PTPRQ: variants seen among roughly 807,000 people sequenced by gnomAD.
PTPRQ encodes the protein phosphatidylinositol phosphatase PTPRQ.
A neutral mutation model predicts 246.0 loss-of-function variants in PTPRQ; 199 were observed. The observed-to-expected ratio is 0.81, with a 90% CI of 0.72 to 0.91. The LOEUF (loss-of-function observed/expected upper bound fraction) is 0.91. PTPRQ is among the 40% of genes least tolerant of loss of function. The pLI, the probability that PTPRQ is intolerant of heterozygous loss-of-function variation, is 0.00. For synonymous variants in PTPRQ, 869 were observed against 853.2 expected (o/e 1.02, Z -0.32); for missense variants, 2,624 against 2,528.4 (o/e 1.04, Z -0.81).
intron 33 of PTPRQ, among the ~76,000 whole-genome samples, chr12:80,623,468 G>A (rs1899074156): frequency 6.6e-6 from 1 of 152,110 alleles, no homozygotes; most frequent in African/African-American, 2.4e-5. Context: ...TGTATCAAGT[G>A]TTTCTTCATT....
intron 25 of PTPRQ, among the ~76,000 whole-genome samples, chr12:80,567,141 A>G (rs1897002518): frequency 6.6e-6 from 1 of 152,226 alleles, no homozygotes; most frequent in African/African-American, 2.4e-5. Context: ...TACTTGGGCT[A>G]ATCATTGCTA....
At chr12:80,577,136 A>C (rs1592676591) in intron 25 of PTPRQ, among the ~76,000 whole-genome samples, 1 of 152,256 alleles carries the variant, frequency 6.6e-6, no homozygotes, top group East Asian at 1.9e-4. Flanking sequence ...AAACTAATGA[A>C]TTTATAAATC....
At chr12:80,538,090 C>T (rs35836356) in intron 19 of PTPRQ, among the ~76,000 whole-genome samples, 13 of 151,816 alleles carry the variant, frequency 8.6e-5, no homozygotes, top group Non-Finnish European at 1.8e-4. Flanking sequence ...GCCTGGGCAA[C>T]AGAGTGAGAC....
Position 80,449,938 on chromosome 12 carries a change from T to C in PTPRQ, c.390+4221T>C, listed in dbSNP as rs189366868. Reference sequence around the variant, plus strand: ...AAAGTCATTGGTAGCTTGATGGGGATGGCATAGAATCTATAAATTACCTTG... The same window carrying C: ...AAAGTCATTGGTAGCTTGATGGGGACGGCATAGAATCTATAAATTACCTTG... On this transcript the variant is annotated intron_variant, in intron 3 of 44. Coordinates refer to ENST00000644991, the MANE Select transcript of PTPRQ (RefSeq NM_001145026.2). Among the ~76,000 whole-genome samples, 312 of 152,300 alleles carry C rather than the reference T, an allele frequency of 2.0e-3. 1 individual carries two copies. The highest frequency in any genetic ancestry group is 7.0e-3 in the African/African-American group (292 of 41,550).
chr12:80,634,982 C>T lies in PTPRQ; in HGVS notation c.5824C>T (p.Pro1942Ser), dbSNP rs1195502008. The change falls in exon 35 of 45, where the codon CCT becomes TCT. Residue 1942 changes from proline to serine, a missense_variant. Transcript: ENST00000644991. ...QKQKEGGTYS[P>S]QDAEIIDTKL... ...GCAGAAAGAAGGTGGCACATACTCT[C>T]CTCAGGATGCAGAAATTATTGACAC... The T allele has an allele frequency of 6.4e-7, 1 of 1,551,288 alleles. No homozygotes were observed. Among genetic ancestry groups the T allele is most frequent in the Non-Finnish European group, 8.7e-7 (1 of 1,146,758 alleles).
rs1216268008 is a variant in PTPRQ, at chr12:80,496,421, T to G, written c.2162T>G (p.Leu721Ter). Residue 721 changes from leucine (L) to a stop codon, truncating the protein, a stop_gained, in exon 14 of 45, where the codon TTA (leucine) becomes TGA (stop). Transcript: ENST00000644991. LOFTEE classifies it high-confidence loss of function. The part of the protein sequence containing the change: ...MKNTSTTDII[L>*]RNLRPHTLYN... ...AACACATCAACAACAGACATAATAT[T>G]AAGGAACTTAAGACCTCACACCCTC... is the stretch of plus-strand genomic sequence containing the variant. 6.4e-7 allele frequency: 1 copy of G among 1,550,810 alleles called. No homozygotes were observed. The highest frequency in any genetic ancestry group is 2.0e-5 in the Admixed American group (1 of 50,952).
At chr12:80,585,812 C>T (rs1328770360) in intron 25 of PTPRQ, among the ~76,000 whole-genome samples, 1 of 150,722 alleles carries the variant, frequency 6.6e-6, no homozygotes, top group African/African-American at 2.4e-5. Flanking sequence ...ATACATGTGC[C>T]ATGCTGGTGC....
intron 17 of PTPRQ, among the ~76,000 whole-genome samples, chr12:80,515,596 TA>T (rs1895269168): frequency 6.6e-6 from 1 of 151,836 alleles, no homozygotes; most frequent in Non-Finnish European, 1.5e-5. Flanking sequence ...AATTTATTTT[TA>T]TTTCTTTTTA....
intron 17 of PTPRQ, among the ~76,000 whole-genome samples, chr12:80,533,179 AT>A (rs1163278899): frequency 1.4e-4 from 21 of 152,120 alleles, no homozygotes; most frequent in African/African-American, 4.8e-4. Flanking sequence ...AATAATGCAC[AT>A]TTTTCAGCAT....
chr12:80,609,035 G>A (rs900081975), intron 27 of PTPRQ, among the ~76,000 whole-genome samples: 2 of 150,300 alleles, frequency 1.3e-5, no homozygotes, highest in African/African-American at 2.4e-5. Flanking sequence ...TTCCATTTTC[G>A]AGAAGTGGGG....
At chr12:80,620,055 C>A in intron 31 of PTPRQ, 99 bp from the exon 32 acceptor site, 1 of 1,376,396 alleles carries the variant, frequency 7.3e-7, no homozygotes, top group South Asian at 1.6e-5. Context: ...GATGTTGCAT[C>A]GAGAGTCCCC....
intron 26 of PTPRQ, among the ~76,000 whole-genome samples, chr12:80,602,403 T>G (rs1936842593): frequency 1.3e-5 from 2 of 151,814 alleles, no homozygotes; most frequent in Non-Finnish European, 2.9e-5. Flanking sequence ...TGTTTTGTGT[T>G]GCTATAAGAA....
Position 80,652,819 on chromosome 12 carries a change from C to T in PTPRQ, c.6100C>T (p.Pro2034Ser), listed in dbSNP as rs543567656. 9.3e-6 allele frequency: 14 copies of T among 1,505,204 alleles called. No homozygotes were observed. The East Asian group carries it at 3.4e-4, about 36-fold the overall frequency. The allele number at this position is 1,505,204 out of a possible 1,614,324, so 93.2% of individuals were successfully genotyped here. The change falls in exon 38 of 45, where the codon CCA (proline) becomes TCA (serine). Residue 2034 changes from proline (P) to serine (S), a missense_variant. By Grantham distance (74) the Pro-to-Ser change is moderately conservative (BLOSUM62 -1). Coordinates refer to ENST00000644991, the MANE Select transcript of PTPRQ (RefSeq NM_001145026.2). ...TTGGAATAGAGCAAAAAACCGCTTCCCAAACATAAAACCATGTATGTGCAT... is the reference window on the plus strand; with the variant it reads ...TTGGAATAGAGCAAAAAACCGCTTCTCAAACATAAAACCATGTATGTGCAT... ...LPWNRAKNRF[P>S]NIKPYNNNRV...
intron 26 of PTPRQ, among the ~76,000 whole-genome samples, chr12:80,602,115 T>A (rs966014743): frequency 3.3e-5 from 5 of 151,764 alleles, no homozygotes; most frequent in African/African-American, 1.2e-4. Flanking sequence ...AATGTTCAGA[T>A]TATTGTACAG....
At chr12:80,575,149 A>G (rs1897249251) in intron 25 of PTPRQ, among the ~76,000 whole-genome samples, 1 of 152,220 alleles carries the variant, frequency 6.6e-6, no homozygotes, top group Non-Finnish European at 1.5e-5. Flanking sequence ...GCTCCTTTCA[A>G]GGTTTTTATT....
At chr12:80,655,796 GA>G (rs1900413523) in intron 38 of PTPRQ, among the ~76,000 whole-genome samples, 2 of 152,200 alleles carry the variant, frequency 1.3e-5, no homozygotes, top group African/African-American at 4.8e-5. Context: ...AATAGAATTT[GA>G]ATTTTAGCTT....
At chr12:80,471,311 A>G (rs537912049) in intron 7 of PTPRQ, among the ~76,000 whole-genome samples, 31 of 152,092 alleles carry the variant, frequency 2.0e-4, no homozygotes, top group African/African-American at 7.5e-4. Context: ...TGTTCTCAGG[A>G]AAGAGCCAGT....
At chr12:80,601,275 C>T (rs1898134159) in intron 26 of PTPRQ, among the ~76,000 whole-genome samples, 1 of 151,450 alleles carries the variant, frequency 6.6e-6, no homozygotes, top group African/African-American at 2.4e-5. Context: ...ATGGAAGTTC[C>T]ATGGTCTTTG....
In PTPRQ at chr12:80,669,098, C is replaced by G; in HGVS notation, c.6284C>G (p.Ala2095Gly). 1.9e-6 allele frequency: 3 copies of G among 1,550,116 alleles called. No individual in the cohort carries two copies. Among genetic ancestry groups the G allele is most frequent in the African/African-American group, 1.4e-5 (1 of 72,930 alleles). Residue 2095 changes from alanine (A) to glycine (G), a missense_variant, in exon 40 of 45, where the codon GCA (alanine) becomes GGA (glycine). Physicochemically the swap from Ala to Gly is moderately conservative, Grantham distance 60. Transcript: ENST00000644991. The stretch of plus-strand genomic sequence containing the variant: ...TGGAGAATGGTGTGGGAAACCAGAG[C>G]AAAAACATTAGTAATGCTAACACAG... ...DFWRMVWETRAKTLVMLTQCF... is the reference protein window; with the variant it reads ...DFWRMVWETRGKTLVMLTQCF...
Sources: gnomAD v4.1 joint callset for allele counts (sites outside exome capture counted in the v4.1 genomes callset) on GRCh38, gnomAD v4.1.1 for gene constraint, MANE v1.5 for transcripts, NCBI Gene and HGNC (gene_info 2026-07-23, HGNC 2026-07-21) for gene names.